PRDM16: variants seen among roughly 807,000 people sequenced by gnomAD.
PRDM16 encodes the protein PR/SET domain 16, also known as histone-lysine N-methyltransferase PRDM16.
Under a neutral mutation model 110.6 loss-of-function variants are expected in PRDM16, and 23 were observed. That is an observed-to-expected ratio of 0.21 (90% CI 0.15 to 0.29). PRDM16 has a LOEUF of 0.29. Among genes scored for constraint, PRDM16 ranks in the 10% least tolerant of loss-of-function variants. The pLI is 1.00. For missense variants in PRDM16, 1,615 were observed against 1,794.3 expected, an observed-to-expected ratio of 0.90 and a Z score of 1.81; for synonymous variants, 799 against 781.8, an observed-to-expected ratio of 1.02 and a Z score of -0.37.
chr1:3,379,087 C>T (rs1643047147), intron 3 of PRDM16, among the ~76,000 whole-genome samples: 1 of 147,660 alleles, frequency 6.8e-6, no homozygotes, highest in Admixed American at 6.7e-5. Context: ...CACACCCCCT[C>T]CCGGTGCACC....
intron 2 of PRDM16, among the ~76,000 whole-genome samples, chr1:3,200,509 A>T (rs1453652173): frequency 1.3e-5 from 2 of 151,910 alleles, no homozygotes; most frequent in Non-Finnish European, 2.9e-5. Flanking sequence ...CGCCTGGCTA[A>T]TTTTTTGTAT....
At chr1:3,421,988 GCAGACAGA>G (rs1228820613) in intron 12 of PRDM16, among the ~76,000 whole-genome samples, 2 of 148,148 alleles carry the variant, frequency 1.3e-5, no homozygotes, top group South Asian at 2.1e-4. Context: ...GGACAGACAG[GCAGACAGA>G]CAGACAGGCA....
At chr1:3,420,628 G>A (rs1236198666) in intron 12 of PRDM16, among the ~76,000 whole-genome samples, 1 of 152,248 alleles carries the variant, frequency 6.6e-6, no homozygotes, top group African/African-American at 2.4e-5. Context: ...GGTAGGGAAC[G>A]TAGAGCCTTT....
intron 3 of PRDM16, among the ~76,000 whole-genome samples, chr1:3,323,991 A>G (rs1199118191): frequency 6.6e-6 from 1 of 152,152 alleles, no homozygotes; most frequent in Non-Finnish European, 1.5e-5. Flanking sequence ...CTTTGGGAAA[A>G]GGAAAGAAAG....
rs140006928 is a variant in PRDM16 at position 3,137,048 on chromosome 1, C to T, written c.38-49077C>T. On this transcript the variant is annotated intron_variant, in intron 1 of 16. Coordinates refer to ENST00000270722, the MANE Select transcript of PRDM16 (RefSeq NM_022114.4). ...ACAGATGGGGTGGGTGAAAGGACCT[C>T]GGAAGGAGTCATCCCATTTCACAGG... 1.6e-4 allele frequency among the ~76,000 whole-genome samples: 24 copies of T among 152,302 alleles called. No individual in the cohort carries two copies. The East Asian group carries it at 3.1e-3, about 20-fold the overall frequency.
intron 1 of PRDM16, among the ~76,000 whole-genome samples, chr1:3,180,635 CG>C (rs1644139249): frequency 6.8e-6 from 1 of 146,578 alleles, no homozygotes. Context: ...CCGGGGCAGC[CG>C]AGCGCCATTC....
chr1:3,340,831 C>T (rs115345086), intron 3 of PRDM16, among the ~76,000 whole-genome samples: 3 of 152,314 alleles, frequency 2.0e-5, no homozygotes, highest in Non-Finnish European at 4.4e-5. Flanking sequence ...CATGGGGTGG[C>T]TGAAGGCAGA....
intron 3 of PRDM16, among the ~76,000 whole-genome samples, chr1:3,367,763 G>A (rs1052352772): frequency 2.6e-5 from 4 of 152,214 alleles, no homozygotes; most frequent in Non-Finnish European, 4.4e-5. Context: ...AAGAATTAAT[G>A]GAGCCGGTAG....
chr1:3,167,450 G>T (rs1038244077), intron 1 of PRDM16, among the ~76,000 whole-genome samples: 5 of 152,054 alleles, frequency 3.3e-5, no homozygotes, highest in Non-Finnish European at 5.9e-5. Flanking sequence ...GTCACCGGGG[G>T]TCACATTCGC....
At chr1:3,417,372 G>A (rs1168976868) in intron 10 of PRDM16, among the ~76,000 whole-genome samples, 1 of 152,154 alleles carries the variant, frequency 6.6e-6, no homozygotes, top group Non-Finnish European at 1.5e-5. Context: ...AATTTTTCAA[G>A]ACTAAAAAAT....
chr1:3,139,257 G>A (rs930353754), intron 1 of PRDM16, among the ~76,000 whole-genome samples: 12 of 152,182 alleles, frequency 7.9e-5, no homozygotes, highest in African/African-American at 2.4e-4. Context: ...GTTGGAACAC[G>A]GCACGCAGAG....
At chr1:3,123,293 G>A (rs1404552518) in intron 1 of PRDM16, among the ~76,000 whole-genome samples, 1 of 152,248 alleles carries the variant, frequency 6.6e-6, no homozygotes, top group Non-Finnish European at 1.5e-5. Context: ...AAAGCCGACA[G>A]GACCCTAACA....
At chr1:3,398,213 C>T (rs1643415536) in intron 5 of PRDM16, among the ~76,000 whole-genome samples, 2 of 152,176 alleles carry the variant, frequency 1.3e-5, no homozygotes. Flanking sequence ...TTTCTTTCTT[C>T]CAAAAGGTTT....
Position 3,431,029 on chromosome 1 carries a change from G to A in PRDM16, c.3442G>A (p.Glu1148Lys), listed in dbSNP as rs746465588. ...SQDDTVSPAP[E>K]PQAAYEDEED... is the part of the protein sequence containing the mutation. ...GGATGACACCGTGTCCCCCGCACCC[G>A]AGCCCCAGGCCGCCTACGAGGATGA... Residue 1148 changes from glutamate (E) to lysine (K), a missense_variant, in exon 15 of 17, where the codon GAG (glutamate) becomes AAG (lysine). Around this residue, in one of 5 missense-constraint regions of PRDM16, gnomAD observed 327 missense variants for 359.3 expected, o/e 0.91. Transcript: ENST00000270722. 69 of 1,569,902 alleles carry A rather than the reference G, an allele frequency of 4.4e-5. No homozygotes were observed. The highest frequency in any genetic ancestry group is 1.8e-4 in the Middle Eastern group (1 of 5,712).
intron 3 of PRDM16, among the ~76,000 whole-genome samples, chr1:3,258,215 A>C (rs543823763): frequency 2.6e-5 from 4 of 152,274 alleles, no homozygotes; most frequent in African/African-American, 7.2e-5. Flanking sequence ...GCTTGGCTGC[A>C]TCCCTGTACT....
intron 3 of PRDM16, among the ~76,000 whole-genome samples, chr1:3,342,265 C>T (rs1174970053): frequency 6.6e-6 from 1 of 152,200 alleles, no homozygotes; most frequent in African/African-American, 2.4e-5. Flanking sequence ...CTCCCAACTC[C>T]CAAAACACTT....
At chr1:3,153,692 T>C (rs1308197969) in intron 1 of PRDM16, among the ~76,000 whole-genome samples, 3 of 152,264 alleles carry the variant, frequency 2.0e-5, no homozygotes, top group Non-Finnish European at 4.4e-5. Flanking sequence ...AGCTGAGCTT[T>C]AAGTGGGGGT....
At chr1:3,397,022 A>G (rs991013547) in intron 5 of PRDM16, among the ~76,000 whole-genome samples, 1 of 152,128 alleles carries the variant, frequency 6.6e-6, no homozygotes, top group Non-Finnish European at 1.5e-5. Context: ...ACAAACAAAC[A>G]CCAAGCCAGT....
At position 3,246,193 on chromosome 1, in the gene PRDM16, T is replaced by C. The variant is rs1453660304; in HGVS notation, c.438+2056T>C. Among the ~76,000 whole-genome samples the C allele has an allele frequency of 1.3e-5, 2 of 152,184 alleles. No individual in the cohort carries two copies. The highest frequency in any genetic ancestry group is 2.9e-5 in the Non-Finnish European group (2 of 68,022). ...GGTGGGTTTGCCTTTGTGTCTTATA[T>C]GTGTGGCCATTAGGTCTCGCTCAGT... is the stretch of plus-strand genomic sequence containing the variant. On this transcript the variant is annotated intron_variant, in intron 3 of 16. Coordinates refer to ENST00000270722, the MANE Select transcript of PRDM16 (RefSeq NM_022114.4). This position sits in a 1 kb window ranked among gnomAD's most constrained non-coding sequence, Gnocchi z 5.2.
Sources: allele counts gnomAD v4.1 joint callset (sites outside exome capture counted in the v4.1 genomes callset), GRCh38; gene constraint gnomAD v4.1.1; regional missense constraint gnomAD v4.1.1; non-coding constraint Gnocchi (gnomAD v3.1); transcripts MANE v1.5; gene names NCBI Gene and HGNC (gene_info 2026-07-23, HGNC 2026-07-21).